The following RUFY2 variants were observed in gnomAD, a reference collection of about 807,000 sequenced individuals.
The protein encoded by RUFY2 is RUN and FYVE domain containing 2, also known as RUN and FYVE domain-containing protein 2.
Under a neutral mutation model 94.4 loss-of-function variants are expected in RUFY2, and 49 were observed. That is an observed-to-expected ratio of 0.52 (90% CI 0.41 to 0.66). The LOEUF (loss-of-function observed/expected upper bound fraction) is 0.66. RUFY2 is among the 30% of genes least tolerant of loss of function. The pLI is 0.00. For synonymous variants in RUFY2, 255 were observed against 235.7 expected, an observed-to-expected ratio of 1.08 and a Z score of -0.75; for missense variants, 541 against 692.8, an observed-to-expected ratio of 0.78 and a Z score of 2.46.
intron 13 of RUFY2, among the ~76,000 whole-genome samples, chr10:68,367,503 G>A (rs2047930712): frequency 6.6e-6 from 1 of 152,150 alleles, no homozygotes; most frequent in Admixed American, 6.5e-5. Flanking sequence ...CCAGTAGGCT[G>A]AAGTTTAGTG....
chr10:68,358,954 A>G (rs2047241552), intron 15 of RUFY2, among the ~76,000 whole-genome samples: 2 of 152,168 alleles, frequency 1.3e-5, no homozygotes, highest in Admixed American at 1.3e-4. Context: ...ACTGGTATTG[A>G]TAGATTTTTG....
intron 1 of RUFY2, 190 bp downstream of exon 1, chr10:68,406,996 G>C: frequency 6.6e-7 from 1 of 1,507,028 alleles, no homozygotes; most frequent in Non-Finnish European, 8.9e-7. Flanking sequence ...CGGAACAAGG[G>C]AGGGGGCGCG....
downstream of RUFY2, chr10:68,342,339 T>C (rs1417762216): frequency 1.1e-5 from 3 of 279,910 alleles, no homozygotes; most frequent in African/African-American, 6.7e-5. Flanking sequence ...AAGATTTGGG[T>C]TGATGTATTT....
intron 3 of RUFY2, among the ~76,000 whole-genome samples, chr10:68,401,257 G>A (rs1016155620): frequency 6.6e-6 from 1 of 152,028 alleles, no homozygotes; most frequent in Non-Finnish European, 1.5e-5. Context: ...CCTGTGCCCT[G>A]GATTCAGCCT....
chr10:68,371,595 A>C (rs1212014923), intron 13 of RUFY2, among the ~76,000 whole-genome samples: 8 of 152,016 alleles, frequency 5.3e-5, no homozygotes, highest in African/African-American at 1.9e-4. Flanking sequence ...CGCCTCAAAA[A>C]AAAAAAAAGA....
intron 3 of RUFY2, among the ~76,000 whole-genome samples, chr10:68,400,277 C>T (rs1472618963): frequency 3.3e-5 from 5 of 152,026 alleles, no homozygotes; most frequent in African/African-American, 9.7e-5. Context: ...GATTGCACCA[C>T]TGCACTCCAG....
intron 16 of RUFY2, among the ~76,000 whole-genome samples, chr10:68,348,897 G>A (rs1057131406): frequency 2.0e-5 from 3 of 152,094 alleles, no homozygotes; most frequent in Non-Finnish European, 4.4e-5. Flanking sequence ...AGACTAGAAC[G>A]GAACAACCTC....
intron 13 of RUFY2, among the ~76,000 whole-genome samples, chr10:68,368,498 A>T (rs896365141): frequency 2.0e-5 from 3 of 151,610 alleles, no homozygotes; most frequent in Admixed American, 6.6e-5. Context: ...TGTCTCTACT[A>T]AAAATACAAA....
chr10:68,341,994 C>T (rs751883363), downstream of RUFY2: 27 of 1,613,796 alleles, frequency 1.7e-5, 1 homozygote, highest in South Asian at 3.0e-4. Context: ...GTGGTGGAGG[C>T]AGTGGAGGTT....
intron 3 of RUFY2, among the ~76,000 whole-genome samples, chr10:68,397,106 C>T (rs938221387): frequency 1.3e-5 from 2 of 152,170 alleles, no homozygotes; most frequent in South Asian, 2.1e-4. Flanking sequence ...GAAGAAATGA[C>T]TCTCTAAACA....
intron 13 of RUFY2, among the ~76,000 whole-genome samples, chr10:68,371,400 C>T (rs904888720): frequency 6.6e-5 from 10 of 150,394 alleles, no homozygotes; most frequent in South Asian, 2.1e-4. Context: ...CCAACCTGGG[C>T]GACAGGCTGA....
intron 7 of RUFY2, among the ~76,000 whole-genome samples, chr10:68,387,040 CAA>C (rs1442846340): frequency 1.3e-5 from 2 of 152,234 alleles, no homozygotes; most frequent in East Asian, 3.9e-4. Context: ...TTAAATGAAT[CAA>C]GACTGGACAT....
At chr10:68,356,378 C>T (rs536767075) in intron 15 of RUFY2, among the ~76,000 whole-genome samples, 69 of 151,920 alleles carry the variant, frequency 4.5e-4, no homozygotes, top group African/African-American at 1.6e-3. Context: ...TAGTGGTGCA[C>T]GCCTGTATTC....
chr10:68,404,051 T>C (rs1480160205), intron 2 of RUFY2, among the ~76,000 whole-genome samples: 1 of 152,196 alleles, frequency 6.6e-6, no homozygotes, highest in Non-Finnish European at 1.5e-5. Context: ...TAGATACTCA[T>C]CGTATGAACT....
Position 68,384,209 on chromosome 10 carries a change from G to A in RUFY2, c.721-57C>T, listed in dbSNP as rs1293280250. On this transcript the variant is annotated intron_variant, in intron 8 of 17. Coordinates refer to ENST00000602465, the MANE Select transcript of RUFY2 (RefSeq NM_001330103.2). Reference sequence around the variant, plus strand: ...TTTTAAACACCCTTATACTTGCTTTGCAGGTTATGTGCATGGCCATAAACA... The same window carrying A: ...TTTTAAACACCCTTATACTTGCTTTACAGGTTATGTGCATGGCCATAAACA... 20 of 1,533,546 alleles carry A rather than the reference G, an allele frequency of 1.3e-5. No homozygotes were observed. In the East Asian group the frequency reaches 4.6e-4, roughly 36 times the overall value. The allele number at this position is 1,533,546 out of a possible 1,614,324, so 95.0% of individuals were successfully genotyped here.
chr10:68,401,605 A>G lies in RUFY2; in HGVS notation c.296+15T>C. 4 of 1,500,534 alleles carry G rather than the reference A, an allele frequency of 2.7e-6. No homozygotes were observed. Among genetic ancestry groups the G allele is most frequent in the Non-Finnish European group, 3.7e-6 (4 of 1,076,444 alleles). 93.0% of individuals were successfully genotyped at this position (1,500,534 alleles called of 1,614,324 possible). ...CTTCTGTGGCTAGGGATGAACAAGT[A>G]ATAGGCCTCCTTACTTCAGACCAGG... On this transcript the variant is annotated intron_variant, in intron 3 of 17. Transcript: ENST00000602465.
In RUFY2 at chr10:68,344,273, C is replaced by G. The variant is rs2046148793; in HGVS notation, c.*1495G>C. The G allele has an allele frequency of 6.6e-6, 1 of 151,994 alleles. No individual in the cohort carries two copies. The highest frequency in any genetic ancestry group is 1.5e-5 in the Non-Finnish European group (1 of 67,998). 9.4% of individuals were successfully genotyped at this position (151,994 alleles called of 1,614,324 possible). Reference sequence around the variant, plus strand: ...AAGCATATATTCATGAAGAAAAGATCCTGCAGTATTAATAAGAACTCCTTT... The same window carrying G: ...AAGCATATATTCATGAAGAAAAGATGCTGCAGTATTAATAAGAACTCCTTT... On this transcript the variant is annotated 3_prime_UTR_variant, in exon 18 of 18. Transcript: ENST00000602465.
chr10:68,347,278 C>CTTTT (rs66465620), intron 16 of RUFY2, among the ~76,000 whole-genome samples: 3 of 86,552 alleles, frequency 3.5e-5, no homozygotes, highest in Non-Finnish European at 6.3e-5. Flanking sequence ...CAACTTGACC[C>CTTTT]TTTTTTTTTT....
intron 11 of RUFY2, among the ~76,000 whole-genome samples, chr10:68,380,536 T>C (rs906650088): frequency 2.0e-5 from 3 of 152,050 alleles, no homozygotes; most frequent in Non-Finnish European, 4.4e-5. Flanking sequence ...TTTGGCAACA[T>C]ATCTACTTAA....
Sources: allele counts gnomAD v4.1 joint callset (sites outside exome capture counted in the v4.1 genomes callset), GRCh38; gene constraint gnomAD v4.1.1; transcripts MANE v1.5; gene names NCBI Gene and HGNC (gene_info 2026-07-23, HGNC 2026-07-21).